The following TRPC6 variants were observed in gnomAD, a reference collection of about 807,000 sequenced individuals.
TRPC6 encodes transient receptor potential cation channel subfamily C member 6.
A neutral mutation model predicts 90.7 loss-of-function variants in TRPC6; 55 were observed. The observed-to-expected ratio is 0.61, with a 90% CI of 0.49 to 0.76. TRPC6 has a LOEUF of 0.76. Among genes scored for constraint, TRPC6 ranks in the 30% least tolerant of loss-of-function variants. TRPC6 has a pLI of 0.00. For missense variants in TRPC6, 989 were observed against 1,122.7 expected, an observed-to-expected ratio of 0.88 and a Z score of 1.70; for synonymous variants, 393 against 393.0, an observed-to-expected ratio of 1.00 and a Z score of 0.00.
intron 1 of TRPC6, among the ~76,000 whole-genome samples, chr11:101,530,815 C>T (rs1860895990): frequency 6.6e-6 from 1 of 151,982 alleles, no homozygotes; most frequent in Non-Finnish European, 1.5e-5. Context: ...ACCAATGCAT[C>T]CACAAAATAA....
intron 10 of TRPC6, among the ~76,000 whole-genome samples, chr11:101,458,258 A>T (rs1208915028): frequency 3.3e-5 from 5 of 152,202 alleles, no homozygotes; most frequent in Admixed American, 1.3e-4. Flanking sequence ...TAGTCAATTC[A>T]TCCTAGAGAT....
intron 12 of TRPC6, 55 bp downstream of exon 12, chr11:101,453,595 A>G (rs1858813851): frequency 1.3e-6 from 2 of 1,529,198 alleles, no homozygotes; most frequent in Non-Finnish European, 1.8e-6. Context: ...ACTCTGCGCT[A>G]GGCCCCCGTC....
At chr11:101,558,314 T>TGTATATGGGTATAC (rs1565243353) in intron 1 of TRPC6, among the ~76,000 whole-genome samples, 1 of 81,276 alleles carries the variant, frequency 1.2e-5, no homozygotes, top group African/African-American at 4.9e-5. Context: ...TACATGTATA[T>TGTATATGGGTATAC]ATGTATACAT....
chr11:101,491,699 C>T lies in TRPC6; in HGVS notation c.985G>A (p.Val329Ile). 6.2e-7 allele frequency: 1 copy of T among 1,613,960 alleles called. No homozygotes were observed. The highest frequency in any genetic ancestry group is 2.2e-5 in the East Asian group (1 of 44,876). ...KKLSMQCKDF[V>I]VGLLDLCRNT... ...CTGCACAGATCAAGGAGTCCAACAACAAAGTCTTTGCACTGCATTGACAGT... is the reference window on the plus strand; with the variant it reads ...CTGCACAGATCAAGGAGTCCAACAATAAAGTCTTTGCACTGCATTGACAGT... The change falls in exon 3 of 13, where the codon GTT (valine) becomes ATT (isoleucine). Residue 329 changes from valine to isoleucine, a missense_variant. By Grantham distance (29) the Val-to-Ile change is conservative. This residue lies in a region of TRPC6 where 486 missense variants were observed against 591.9 expected (regional missense o/e 0.82). Coordinates refer to ENST00000344327, the MANE Select transcript of TRPC6 (RefSeq NM_004621.6).
intron 1 of TRPC6, among the ~76,000 whole-genome samples, chr11:101,563,730 G>A (rs568411959): frequency 2.6e-5 from 4 of 152,200 alleles, no homozygotes; most frequent in South Asian, 2.1e-4. Flanking sequence ...AGGAGACACT[G>A]TGGGTTTGTT....
intron 1 of TRPC6, among the ~76,000 whole-genome samples, chr11:101,571,654 A>T (rs1267525479): frequency 1.3e-5 from 2 of 152,216 alleles, no homozygotes; most frequent in Admixed American, 6.5e-5. Flanking sequence ...ACAGCATGGT[A>T]CTGGTACCAA....
chr11:101,503,771 A>C (rs542630574), intron 2 of TRPC6, among the ~76,000 whole-genome samples: 3 of 152,216 alleles, frequency 2.0e-5, no homozygotes, highest in African/African-American at 7.2e-5. Flanking sequence ...GGAACTAATA[A>C]TAGCTTCTCA....
chr11:101,542,094 A>G (rs1861185930), intron 1 of TRPC6, among the ~76,000 whole-genome samples: 1 of 152,226 alleles, frequency 6.6e-6, no homozygotes, highest in Non-Finnish European at 1.5e-5. Context: ...TTTTTTAATA[A>G]TTGAAAGAAC....
intron 1 of TRPC6, among the ~76,000 whole-genome samples, chr11:101,524,219 C>T (rs10895130): frequency 3.3e-5 from 5 of 151,938 alleles, no homozygotes; most frequent in Non-Finnish European, 7.4e-5. Flanking sequence ...CAAATGGAGA[C>T]GCAGTGGCTT....
At chr11:101,571,394 T>C (rs1393206542) in intron 1 of TRPC6, among the ~76,000 whole-genome samples, 2 of 152,122 alleles carry the variant, frequency 1.3e-5, no homozygotes, top group African/African-American at 4.8e-5. Context: ...GGAAAAACAT[T>C]CCATGCTCAT....
In TRPC6 at chr11:101,508,620, T is replaced by C. The variant is rs1417386154; in HGVS notation, c.171-3822A>G. On this transcript the variant is annotated intron_variant, in intron 1 of 12. Transcript: ENST00000344327. ...TATTTATTGCTTTGCGTAGTTTCTA[T>C]TGTAGACAAGAGGAAGTTCAAAGAT... Among the ~76,000 whole-genome samples the C allele has an allele frequency of 4.6e-5, 7 of 150,722 alleles. No homozygotes were observed. The East Asian group carries it at 5.8e-4, about 12-fold the overall frequency.
chr11:101,549,822 A>G (rs1861411902), intron 1 of TRPC6, among the ~76,000 whole-genome samples: 1 of 151,400 alleles, frequency 6.6e-6, no homozygotes, highest in Admixed American at 6.6e-5. Flanking sequence ...TAAATATAAT[A>G]CAATTTTTAA....
At chr11:101,498,216 G>A (rs1859999621) in intron 2 of TRPC6, among the ~76,000 whole-genome samples, 3 of 152,116 alleles carry the variant, frequency 2.0e-5, no homozygotes, top group African/African-American at 7.2e-5. Flanking sequence ...CTGACTTTGT[G>A]TTGCCAAAAT....
chr11:101,570,335 T>C (rs556605793), intron 1 of TRPC6, among the ~76,000 whole-genome samples: 2 of 152,194 alleles, frequency 1.3e-5, no homozygotes, highest in South Asian at 2.1e-4. Flanking sequence ...AGAGGTCAAA[T>C]CCCTGAATAG....
intron 7 of TRPC6, among the ~76,000 whole-genome samples, chr11:101,472,567 T>A (rs1441966503): frequency 6.6e-6 from 1 of 152,118 alleles, no homozygotes; most frequent in East Asian, 1.9e-4. Flanking sequence ...TCTAAATACA[T>A]AAGCACTCAA....
At chr11:101,504,943 T>G in intron 1 of TRPC6, 145 bp from the exon 2 acceptor site, 1 of 1,014,982 alleles carries the variant, frequency 9.9e-7, no homozygotes, top group Non-Finnish European at 1.4e-6. Flanking sequence ...AAAATGAAGA[T>G]GCATTTATTT....
At chr11:101,567,487 G>A (rs901261469) in intron 1 of TRPC6, among the ~76,000 whole-genome samples, 1 of 152,206 alleles carries the variant, frequency 6.6e-6, no homozygotes, top group African/African-American at 2.4e-5. Context: ...GAGAGCAGTG[G>A]ATCTCCCAGC....
intron 1 of TRPC6, among the ~76,000 whole-genome samples, chr11:101,567,414 G>A (rs1861862053): frequency 6.6e-6 from 1 of 152,134 alleles, no homozygotes; most frequent in Non-Finnish European, 1.5e-5. Flanking sequence ...GAGCATCTGG[G>A]GGAAGGGGTG....
At chr11:101,457,034 A>G (rs545105633) in intron 10 of TRPC6, among the ~76,000 whole-genome samples, 1 of 152,284 alleles carries the variant, frequency 6.6e-6, no homozygotes, top group South Asian at 2.1e-4. Context: ...GTTTCCATGT[A>G]CAATTATTTA....
Sources: gnomAD v4.1 joint callset for allele counts (sites outside exome capture counted in the v4.1 genomes callset) on GRCh38, gnomAD v4.1.1 for gene constraint, gnomAD v4.1.1 regional missense constraint, MANE v1.5 for transcripts, NCBI Gene and HGNC (gene_info 2026-07-23, HGNC 2026-07-21) for gene names.